PPFIA4: variants seen among roughly 807,000 people sequenced by gnomAD.
PPFIA4 encodes the protein liprin-alpha-4.
A neutral mutation model predicts 145.7 loss-of-function variants in PPFIA4; 98 were observed. The ratio of observed to expected loss-of-function variants is 0.67; its 90% CI spans 0.57 to 0.80. PPFIA4 has a LOEUF of 0.80. PPFIA4 is among the 30% of genes least tolerant of loss of function. The pLI is 0.00. For synonymous variants in PPFIA4, 628 were observed against 649.6 expected, an observed-to-expected ratio of 0.97 and a Z score of 0.51; for missense variants, 1,457 against 1,632.7, an observed-to-expected ratio of 0.89 and a Z score of 1.85.
chr1:203,055,324 T>G lies in PPFIA4; in HGVS notation c.1830-108T>G, dbSNP rs1571708782. ...AGTGGGACAGACAAAGCCTGGCGGGTGTACACCGCATGTGGTCCTTGGTGG... is the reference window on the plus strand; with the variant it reads ...AGTGGGACAGACAAAGCCTGGCGGGGGTACACCGCATGTGGTCCTTGGTGG... On this transcript the variant is annotated intron_variant, in intron 15 of 29. Coordinates refer to ENST00000295706, the MANE Select transcript of PPFIA4 (RefSeq NM_001304331.2). This position sits in a 1 kb window ranked among gnomAD's most constrained non-coding sequence, Gnocchi z 4.8. 43 of 1,425,242 alleles carry G rather than the reference T, an allele frequency of 3.0e-5. No homozygotes were observed. The highest frequency in any genetic ancestry group is 8.9e-5 in the Admixed American group (5 of 56,456). The allele number at this position is 1,425,242 out of a possible 1,614,324, so 88.3% of individuals were successfully genotyped here.
intron 27 of PPFIA4, 126 bp from the exon 28 acceptor site, chr1:203,071,566 A>C (rs1662170202): frequency 4.2e-6 from 3 of 716,580 alleles, no homozygotes; most frequent in Non-Finnish European, 7.3e-6. Flanking sequence ...AAAGGCCTCT[A>C]ATGGGCTAAA....
rs192559514 is a variant in PPFIA4 at position 203,045,911 on chromosome 1, G to A, written c.929G>A (p.Arg310His). 1.3e-4 allele frequency: 215 copies of A among 1,612,900 alleles called. No homozygotes were observed. Among genetic ancestry groups the A allele is most frequent in the Admixed American group, 3.0e-4 (18 of 60,024 alleles). The change falls in exon 8 of 30, where the codon CGT (arginine) becomes CAT (histidine). Residue 310 changes from arginine to histidine, a missense_variant. This residue lies in a region of PPFIA4 where 463 missense variants were observed against 459.8 expected (regional missense o/e 1.01). Coordinates refer to ENST00000295706, the MANE Select transcript of PPFIA4 (RefSeq NM_001304331.2). ...TLEKRYLAAQ[R>H]EATSIHDLND... ...GAGAAGCGCTACCTGGCTGCTCAGC[G>A]TGAGGCAACATCCATCCATGACCTC...
At position 203,043,033 on chromosome 1, in the gene PPFIA4, T is replaced by C. The variant is rs1659812609; in HGVS notation, c.235-364T>C. Among the ~76,000 whole-genome samples the C allele has an allele frequency of 6.6e-6, 1 of 152,112 alleles. No individual in the cohort carries two copies. The highest frequency in any genetic ancestry group is 6.5e-5 in the Admixed American group (1 of 15,278). On this transcript the variant is annotated intron_variant, in intron 2 of 29. Transcript: ENST00000295706. The surrounding 1 kb of genome is among the most constrained non-coding windows in gnomAD (Gnocchi z 4.4). ...CCCTCCATCAGTTTCTAAAGGAAAA[T>C]GTCATTGAATTCCTGGAGAAATGGA... is the stretch of plus-strand genomic sequence containing the variant.
At position 203,051,852 on chromosome 1, in the gene PPFIA4, C is replaced by G; in HGVS notation, c.1595C>G (p.Ser532Trp). The G allele has an allele frequency of 6.2e-7, 1 of 1,613,642 alleles. No homozygotes were observed. Among genetic ancestry groups the G allele is most frequent in the Non-Finnish European group, 8.5e-7 (1 of 1,179,766 alleles). ...CCCCCAGGCGTGCATCGCCGCTACT[C>G]GGCATTGAGGGAAGAGTCTGCCAAG... ...HAPPGVHRRY[S>W]ALREESAKDW... The change falls in exon 14 of 30, where the codon TCG (serine) becomes TGG (tryptophan). Residue 532 changes from serine (S) to tryptophan (W), a missense_variant. Physicochemically the swap from Ser to Trp is radical, Grantham distance 177 (BLOSUM62 -3). Around this residue, in one of 3 missense-constraint regions of PPFIA4, gnomAD observed 848 missense variants for 1,046.7 expected, o/e 0.81. Coordinates refer to ENST00000295706, the MANE Select transcript of PPFIA4 (RefSeq NM_001304331.2).
At chr1:203,054,787 A>G (rs1487298035) in intron 15 of PPFIA4, among the ~76,000 whole-genome samples, 2 of 152,170 alleles carry the variant, frequency 1.3e-5, no homozygotes, top group Non-Finnish European at 2.9e-5. Flanking sequence ...AATGATAATG[A>G]CTATCTATTA....
At chr1:203,040,606 A>G (rs922289463) in intron 2 of PPFIA4, among the ~76,000 whole-genome samples, 2 of 152,238 alleles carry the variant, frequency 1.3e-5, no homozygotes, top group Non-Finnish European at 2.9e-5. Context: ...TACACCACCC[A>G]TGTGACCGGA....
chr1:203,031,686 C>G (rs782795), intron 1 of PPFIA4, among the ~76,000 whole-genome samples: 100,624 of 152,072 alleles, frequency 0.66, 33,497 homozygotes, highest in South Asian at 0.7. Context: ...ACCAGAGGAC[C>G]CTGTTTAATA....
At chr1:203,059,079 T>A in intron 19 of PPFIA4, 99 bp from the exon 20 acceptor site, 1 of 940,770 alleles carries the variant, frequency 1.1e-6, no homozygotes, top group Non-Finnish European at 1.7e-6. Context: ...GGTTGTCCTC[T>A]GCCAAGGAGC....
chr1:203,045,297 C>T, intron 6 of PPFIA4, 71 bp from the exon 7 acceptor site: 1 of 1,370,194 alleles, frequency 7.3e-7, no homozygotes, highest in Non-Finnish European at 9.8e-7. Flanking sequence ...CTCCTTCCAC[C>T]CCTGGGATAG....
Position 203,076,455 on chromosome 1 carries a change from T to C in PPFIA4, c.*65T>C, listed in dbSNP as rs6682652. ...CAGGCTCCTCTGGCCCTGACCCCTC[T>C]TGCTCGTTCCCCTTCCTTCCGCAGC... On this transcript the variant is annotated 3_prime_UTR_variant, in exon 30 of 30. Transcript: ENST00000295706. The C allele has an allele frequency of 0.37, 545,129 of 1,470,124 alleles. 103,168 individuals carry two copies. Among genetic ancestry groups the C allele is most frequent in the African/African-American group, 0.44 (31,909 of 72,104 alleles). The allele number at this position is 1,470,124 out of a possible 1,614,324, so 91.1% of individuals were successfully genotyped here.
Position 203,075,889 on chromosome 1 carries a change from A to G in PPFIA4, c.3574+132A>G, listed in dbSNP as rs1207081802. The G allele has an allele frequency of 5.3e-6, 5 of 942,610 alleles. No homozygotes were observed. The Admixed American group carries it at 1.6e-4, about 29-fold the overall frequency. 58.4% of individuals were successfully genotyped at this position (942,610 alleles called of 1,614,324 possible). On this transcript the variant is annotated intron_variant, in intron 29 of 29. Coordinates refer to ENST00000295706, the MANE Select transcript of PPFIA4 (RefSeq NM_001304331.2). This position sits in a 1 kb window ranked among gnomAD's most constrained non-coding sequence, Gnocchi z 4.1. ...CCCCGCGCTCCTGCGCTGCAGCTGC[A>G]CTAACGCTCCGCGGGGAGCGTGTGT...
Position 203,056,962 on chromosome 1 carries a change from C to T in PPFIA4, c.2407+12C>T. 1.2e-6 allele frequency: 2 copies of T among 1,613,436 alleles called. No individual in the cohort carries two copies. The highest frequency in any genetic ancestry group is 1.7e-6 in the Non-Finnish European group (2 of 1,179,396). Reference sequence around the variant, plus strand: ...AGCCACAGGCCATGGTCTCTGTCCCCTTCCTAACGGAGGTCTGGGCGGGCA... The same window carrying T: ...AGCCACAGGCCATGGTCTCTGTCCCTTTCCTAACGGAGGTCTGGGCGGGCA... On this transcript the variant is annotated intron_variant, in intron 19 of 29. Coordinates refer to ENST00000295706, the MANE Select transcript of PPFIA4 (RefSeq NM_001304331.2).
At chr1:203,072,047 C>T (rs1352642777) in intron 28 of PPFIA4, among the ~76,000 whole-genome samples, 1 of 152,180 alleles carries the variant, frequency 6.6e-6, no homozygotes, top group African/African-American at 2.4e-5. Flanking sequence ...CCCCGCCTTC[C>T]TATCCACATA....
intron 1 of PPFIA4, among the ~76,000 whole-genome samples, chr1:203,030,053 A>AGATAGATATATCTTCTAT (rs1658706413): frequency 2.0e-5 from 3 of 152,196 alleles, no homozygotes; most frequent in Admixed American, 2.0e-4. Flanking sequence ...CTTCATGGCC[A>AGATAGATATATCTTCTAT]CTGTCTTCAG....
chr1:203,057,529 C>T (rs1385170121), intron 19 of PPFIA4, among the ~76,000 whole-genome samples: 1 of 152,202 alleles, frequency 6.6e-6, no homozygotes, highest in African/African-American at 2.4e-5. Flanking sequence ...CTTTCATCTG[C>T]CCCCTCTCTT....
Position 203,048,623 on chromosome 1 carries a change from G to A in PPFIA4, c.1265G>A (p.Arg422Gln). Residue 422 changes from arginine to glutamine, a missense_variant, in exon 11 of 30, where the codon CGG becomes CAG. Arg to Gln is a conservative substitution (Grantham distance 43, BLOSUM62 1). Transcript: ENST00000295706. The surrounding 1 kb of genome is among the most constrained non-coding windows in gnomAD (Gnocchi z 5.8). Reference sequence around the variant, plus strand: ...AAGATGAATGAGGACCACAACAAGCGGCTGTCGGACACAGTGGACCGGCTG... The same window carrying A: ...AAGATGAATGAGGACCACAACAAGCAGCTGTCGGACACAGTGGACCGGCTG... ...REKMNEDHNKRLSDTVDRLLS... is the reference protein window; with the variant it reads ...REKMNEDHNKQLSDTVDRLLS... 1.2e-6 allele frequency: 2 copies of A among 1,600,862 alleles called. No homozygotes were observed. The highest frequency in any genetic ancestry group is 4.5e-5 in the East Asian group (2 of 44,254).
At position 203,055,529 on chromosome 1, in the gene PPFIA4, C is replaced by T; in HGVS notation, c.1927C>T (p.Leu643=). The change falls in exon 16 of 30, where the codon CTG becomes TTG. Residue 643 remains leucine, a synonymous_variant. Transcript: ENST00000295706. This position sits in a 1 kb window ranked among gnomAD's most constrained non-coding sequence, Gnocchi z 4.8. The part of the protein sequence containing the change: ...GSMEALNLKQ[L]RKRGSIPTSL... ...CATGGAAGCCCTAAACCTGAAGCAG[C>T]TGCGCAAGCGTGGTTCCATCCCCAC... 1 of 1,614,024 alleles carries T rather than the reference C, an allele frequency of 6.2e-7. No homozygotes were observed. The highest frequency in any genetic ancestry group is 8.5e-7 in the Non-Finnish European group (1 of 1,179,894).
In PPFIA4 at chr1:203,026,554, G is replaced by A. The variant is rs1658392871; in HGVS notation, c.-475G>A. 1 of 152,282 alleles carries A rather than the reference G, an allele frequency of 6.6e-6. No homozygotes were observed. The highest frequency in any genetic ancestry group is 6.5e-5 in the Admixed American group (1 of 15,288). 9.4% of individuals were successfully genotyped at this position (152,282 alleles called of 1,614,324 possible). On this transcript the variant is annotated 5_prime_UTR_variant, in exon 1 of 30. Coordinates refer to ENST00000295706, the MANE Select transcript of PPFIA4 (RefSeq NM_001304331.2). ...CGGCGCCGGCTCGGCTCTAGGACGT[G>A]TCGGGCTGCACGGGTCGGGGGCGGC... is the stretch of plus-strand genomic sequence containing the variant.
In PPFIA4 at chr1:203,060,823, C is replaced by A. The variant is rs546456753; in HGVS notation, c.2785-147C>A. 1.4e-4 allele frequency: 100 copies of A among 715,436 alleles called. No homozygotes were observed. In the African/African-American group the frequency reaches 1.7e-3, roughly 12 times the overall value. The allele number at this position is 715,436 out of a possible 1,614,324, so 44.3% of individuals were successfully genotyped here. On this transcript the variant is annotated intron_variant, in intron 22 of 29. Coordinates refer to ENST00000295706, the MANE Select transcript of PPFIA4 (RefSeq NM_001304331.2). The surrounding 1 kb of genome is among the most constrained non-coding windows in gnomAD (Gnocchi z 4.8). ...TGTGGGCCCCTGGGGTGGAGTCTTT[C>A]ATTGTCGGCCATCTCCATGATTGAG...
Sources: gnomAD v4.1 joint callset for allele counts (sites outside exome capture counted in the v4.1 genomes callset) on GRCh38, gnomAD v4.1.1 for gene constraint, gnomAD v4.1.1 regional missense constraint, Gnocchi (gnomAD v3.1) non-coding constraint, MANE v1.5 for transcripts, NCBI Gene and HGNC (gene_info 2026-07-23, HGNC 2026-07-21) for gene names.